The following PRSS22 variants were observed in gnomAD, a reference collection of about 807,000 sequenced individuals.
The protein encoded by PRSS22 is brain-specific serine protease 4.
In PRSS22, 26 loss-of-function variants were observed where a neutral mutation model predicts 28.0. That is an observed-to-expected ratio of 0.93 (90% CI 0.68 to 1.29). PRSS22 has a LOEUF of 1.29. Ranked by LOEUF, PRSS22 falls within the 50% of genes most tolerant of loss-of-function variation. PRSS22 has a pLI of 0.00. For missense variants in PRSS22, 444 were observed against 422.1 expected (o/e 1.05, Z -0.46); for synonymous variants, 217 against 177.9 (o/e 1.22, Z -1.75).
chr16:2,857,926 TGA>T, intron 1 of PRSS22, 95 bp downstream of exon 1: 2 of 879,304 alleles, frequency 2.3e-6, no homozygotes, highest in Non-Finnish European at 3.0e-6. Context: ...GGAAAGGAGA[TGA>T]GAGAGGCAAG....
rs779961901 is a variant in PRSS22, at chr16:2,853,852, C to G, written c.717+13G>C. ...CCCTCCTGGCCAGGGGTGGGGGGCTCGAGGGAGCTCACCAGACAAGCATCC... is the reference window on the plus strand; with the variant it reads ...CCCTCCTGGCCAGGGGTGGGGGGCTGGAGGGAGCTCACCAGACAAGCATCC... On this transcript the variant is annotated intron_variant, in intron 5 of 5. Coordinates refer to ENST00000161006, the MANE Select transcript of PRSS22 (RefSeq NM_022119.4). The surrounding 1 kb of genome is among the most constrained non-coding windows in gnomAD (Gnocchi z 4.6). The G allele has an allele frequency of 6.2e-7, 1 of 1,613,128 alleles. No homozygotes were observed. Among genetic ancestry groups the G allele is most frequent in the Non-Finnish European group, 8.5e-7 (1 of 1,179,884 alleles).
chr16:2,855,550 A>G (rs984830732), intron 4 of PRSS22, 24 bp downstream of exon 4: 1 of 1,611,302 alleles, frequency 6.2e-7, no homozygotes, highest in African/African-American at 1.3e-5. Context: ...GCCCCCAACC[A>G]CCTTGGAGAG....
rs1297055492 is a variant in PRSS22 at position 2,852,898 on chromosome 16, C to A, written c.*195G>T. The A allele has an allele frequency of 4.6e-5, 26 of 567,516 alleles. No homozygotes were observed. The highest frequency in any genetic ancestry group is 8.0e-5 in the Non-Finnish European group (26 of 324,282). The allele number at this position is 567,516 out of a possible 1,614,324, so 35.2% of individuals were successfully genotyped here. A position where few individuals can be genotyped will look rare whatever the true frequency, so the allele number is the denominator to read the frequency against. ...TGAGGCCGTTGGGCGGGGCCTGATGCCTTGGAGGCGGGGCCTGAGGCCGTC... is the reference window on the plus strand; with the variant it reads ...TGAGGCCGTTGGGCGGGGCCTGATGACTTGGAGGCGGGGCCTGAGGCCGTC... On this transcript the variant is annotated 3_prime_UTR_variant, in exon 6 of 6. Coordinates refer to ENST00000161006, the MANE Select transcript of PRSS22 (RefSeq NM_022119.4).
chr16:2,857,986 G>A (rs2069479247), intron 1 of PRSS22, 37 bp downstream of exon 1: 1 of 1,257,318 alleles, frequency 8.0e-7, no homozygotes, highest in Non-Finnish European at 1.0e-6. Flanking sequence ...GAGGGTGGAG[G>A]TGAGAGGGAG....
chr16:2,855,499 T>C, intron 4 of PRSS22, 75 bp downstream of exon 4: 1 of 1,528,314 alleles, frequency 6.5e-7, no homozygotes, highest in Non-Finnish European at 8.9e-7. Context: ...TTGCTCATGG[T>C]GTCTGTGTCC....
Position 2,852,905 on chromosome 16 carries a change from G to A in PRSS22, c.*188C>T, listed in dbSNP as rs1345656205. 265 of 574,008 alleles carry A rather than the reference G, an allele frequency of 4.6e-4. No individual in the cohort carries two copies. The highest frequency in any genetic ancestry group is 7.4e-4 in the Non-Finnish European group (243 of 328,776). The allele number at this position is 574,008 out of a possible 1,614,324, so 35.6% of individuals were successfully genotyped here. The stretch of plus-strand genomic sequence containing the variant: ...GTTGGGCGGGGCCTGATGCCTTGGA[G>A]GCGGGGCCTGAGGCCGTCGGGCGGG... On this transcript the variant is annotated 3_prime_UTR_variant, in exon 6 of 6. Transcript: ENST00000161006.
At chr16:2,854,724 T>C (rs887630627) in intron 4 of PRSS22, among the ~76,000 whole-genome samples, 1 of 152,240 alleles carries the variant, frequency 6.6e-6, no homozygotes, top group Non-Finnish European at 1.5e-5. Context: ...CCTGTCGATC[T>C]GTCATCTACC....
Position 2,853,432 on chromosome 16 carries a change from C to T in PRSS22, c.718-103G>A, listed in dbSNP as rs113338075. 37 of 945,120 alleles carry T rather than the reference C, an allele frequency of 3.9e-5. No individual in the cohort carries two copies. Among genetic ancestry groups the T allele is most frequent in the African/African-American group, 2.9e-4 (18 of 61,222 alleles). The allele number at this position is 945,120 out of a possible 1,614,324, so 58.5% of individuals were successfully genotyped here. A position where few individuals can be genotyped will look rare whatever the true frequency, so the allele number is the denominator to read the frequency against. On this transcript the variant is annotated intron_variant, in intron 5 of 5. Coordinates refer to ENST00000161006, the MANE Select transcript of PRSS22 (RefSeq NM_022119.4). The surrounding 1 kb of genome is among the most constrained non-coding windows in gnomAD (Gnocchi z 4.6). Reference sequence around the variant, plus strand: ...GCAGATGAGCCCCTTCCCGGGAGCCCGTTTCTCCTTCCTGGAGGAGACAGG... The same window carrying T: ...GCAGATGAGCCCCTTCCCGGGAGCCTGTTTCTCCTTCCTGGAGGAGACAGG...
At chr16:2,855,923 T>A in intron 3 of PRSS22, 72 bp from the exon 4 acceptor site, 2 of 1,546,108 alleles carry the variant, frequency 1.3e-6, no homozygotes, top group Non-Finnish European at 1.7e-6. Context: ...ACAGCATGGG[T>A]GTGAAGGCCC....
At chr16:2,855,228 G>A (rs1324734331) in intron 4 of PRSS22, among the ~76,000 whole-genome samples, 1 of 151,518 alleles carries the variant, frequency 6.6e-6, no homozygotes, top group Non-Finnish European at 1.5e-5. Flanking sequence ...CACACCTGTA[G>A]TTCCAGCTAC....
intron 4 of PRSS22, among the ~76,000 whole-genome samples, chr16:2,854,938 T>G (rs1180189590): frequency 6.6e-6 from 1 of 152,142 alleles, no homozygotes; most frequent in Non-Finnish European, 1.5e-5. Flanking sequence ...CCTCTTTATA[T>G]TCACCCTGTA....
At chr16:2,857,049 G>C (rs2069465001) in intron 1 of PRSS22, 1 of 640,618 alleles carries the variant, frequency 1.6e-6, no homozygotes, top group South Asian at 1.9e-5. Context: ...CCCTGAGGAG[G>C]GTCCCTCAGC....
In PRSS22 at chr16:2,855,819, A is replaced by T; in HGVS notation, c.314T>A (p.Leu105Gln). ...GTTCCCCAGCTGCCAGGCCCCCAGCAGCACAGAGAACAGGTATGGTTTGTT... is the reference window on the plus strand; with the variant it reads ...GTTCCCCAGCTGCCAGGCCCCCAGCTGCACAGAGAACAGGTATGGTTTGTT... ...NLNKPYLFSVLLGAWQLGNPG... is the reference protein window; with the variant it reads ...NLNKPYLFSVQLGAWQLGNPG... The change falls in exon 4 of 6, where the codon CTG becomes CAG. Residue 105 changes from leucine (L) to glutamine (Q), a missense_variant. By Grantham distance (113) the Leu-to-Gln change is moderately radical. Transcript: ENST00000161006. The T allele has an allele frequency of 1.2e-6, 2 of 1,613,596 alleles. No homozygotes were observed. The highest frequency in any genetic ancestry group is 1.7e-6 in the Non-Finnish European group (2 of 1,180,002).
At chr16:2,854,538 G>A (rs2069437677) in intron 4 of PRSS22, 1 of 154,460 alleles carries the variant, frequency 6.5e-6, no homozygotes, top group Admixed American at 6.3e-5. Flanking sequence ...ACACACCTGA[G>A]CTAGTGTCAT....
At chr16:2,857,410 C>T (rs1390026539) in intron 1 of PRSS22, among the ~76,000 whole-genome samples, 1 of 151,870 alleles carries the variant, frequency 6.6e-6, no homozygotes, top group Admixed American at 6.5e-5. Flanking sequence ...GGCGTCCCAG[C>T]GCCCAGTGAG....
intron 4 of PRSS22, among the ~76,000 whole-genome samples, chr16:2,854,740 C>G (rs1270838995): frequency 6.6e-6 from 1 of 152,318 alleles, no homozygotes; most frequent in South Asian, 2.1e-4. Flanking sequence ...CTACCTTTCT[C>G]TTGCTGCTTC....
At chr16:2,856,318 C>G in intron 2 of PRSS22, 65 bp from the exon 3 acceptor site, 1 of 1,540,732 alleles carries the variant, frequency 6.5e-7, no homozygotes, top group South Asian at 1.1e-5. Flanking sequence ...AATCCCAATC[C>G]CTAGGCCTGC....
Position 2,853,092 on chromosome 16 carries a change from C to G in PRSS22, c.*1G>C. On this transcript the variant is annotated 3_prime_UTR_variant, in exon 6 of 6. Coordinates refer to ENST00000161006, the MANE Select transcript of PRSS22 (RefSeq NM_022119.4). This position sits in a 1 kb window ranked among gnomAD's most constrained non-coding sequence, Gnocchi z 4.6. ...ATCCGAGCCCCGCGTCCCGCTGCGC[C>G]CTAGGAGCGCGCGGCGGCCCCAGAG... 1 of 1,574,738 alleles carries G rather than the reference C, an allele frequency of 6.4e-7. No individual in the cohort carries two copies. Among genetic ancestry groups the G allele is most frequent in the East Asian group, 2.3e-5 (1 of 44,428 alleles).
chr16:2,856,332 C>T, intron 2 of PRSS22, 79 bp from the exon 3 acceptor site: 1 of 1,454,944 alleles, frequency 6.9e-7, no homozygotes, highest in South Asian at 1.2e-5. Flanking sequence ...GGCCTGCACC[C>T]CAAGCTTTGC....
Sources: allele counts gnomAD v4.1 joint callset (sites outside exome capture counted in the v4.1 genomes callset), GRCh38; gene constraint gnomAD v4.1.1; non-coding constraint Gnocchi (gnomAD v3.1); transcripts MANE v1.5; gene names NCBI Gene and HGNC (gene_info 2026-07-23, HGNC 2026-07-21).